Variants in PVR observed in about 807,000 individuals in gnomAD.
The protein encoded by PVR is PVR cell adhesion molecule, also known as poliovirus receptor.
Under a neutral mutation model 43.3 loss-of-function variants are expected in PVR, and 39 were observed. The observed-to-expected ratio is 0.90, with a 90% CI of 0.70 to 1.18. The LOEUF (loss-of-function observed/expected upper bound fraction) is 1.18. PVR is among the 50% of genes most tolerant of loss of function. PVR has a pLI of 0.00. For synonymous variants in PVR, 224 were observed against 233.2 expected, an observed-to-expected ratio of 0.96 and a Z score of 0.36; for missense variants, 480 against 549.7, an observed-to-expected ratio of 0.87 and a Z score of 1.27.
chr19:44,649,165 C>A (rs770237461), intron 2 of PVR, among the ~76,000 whole-genome samples: 2 of 152,178 alleles, frequency 1.3e-5, no homozygotes, highest in Non-Finnish European at 1.5e-5. Context: ...AGGAAAGAGT[C>A]CGTCTGCCCC....
rs199523150 is a variant in PVR, at chr19:44,649,899, C to T, written c.518C>T (p.Pro173Leu). 24 of 1,613,842 alleles carry T rather than the reference C, an allele frequency of 1.5e-5. No homozygotes were observed. Among genetic ancestry groups the T allele is most frequent in the African/African-American group, 2.7e-5 (2 of 75,056 alleles). The change falls in exon 3 of 8, where the codon CCG becomes CTG. Residue 173 changes from proline to leucine, a missense_variant. Physicochemically the swap from Pro to Leu is moderately conservative, Grantham distance 98. Coordinates refer to ENST00000425690, the MANE Select transcript of PVR (RefSeq NM_006505.5). The part of the protein sequence containing the change: ...MARCVSTGGR[P>L]PAQITWHSDL... ...CGCTGCGTCTCCACAGGGGGTCGCC[C>T]GCCAGCCCAAATCACCTGGCACTCA...
At chr19:44,647,705 G>C in intron 2 of PVR, 135 bp downstream of exon 2, 1 of 596,246 alleles carries the variant, frequency 1.7e-6, no homozygotes. Context: ...GACAAAAGGA[G>C]GGGGCAGCGC....
rs375584960 is a variant in PVR at position 44,649,679 on chromosome 19, C to A, written c.428-130C>A. 1.2e-5 allele frequency: 12 copies of A among 976,556 alleles called. No individual in the cohort carries two copies. In the East Asian group the frequency reaches 1.3e-4, roughly 10 times the overall value. The allele number at this position is 976,556 out of a possible 1,614,324, so 60.5% of individuals were successfully genotyped here. A position where few individuals can be genotyped will look rare whatever the true frequency, so the allele number is the denominator to read the frequency against. ...CAAGTGATCCACCCACCTCAGCCCC[C>A]CAAAGTTCTGGGATTATAGGCGTGA... On this transcript the variant is annotated intron_variant, in intron 2 of 7. Transcript: ENST00000425690.
rs10406264 is a variant in PVR at position 44,653,790 on chromosome 19, G to A, written c.725-110G>A. The A allele has an allele frequency of 4.3e-3, 3,265 of 755,318 alleles. 17 individuals carry two copies. The highest frequency in any genetic ancestry group is 5.6e-3 in the Non-Finnish European group (2,394 of 429,064). 46.8% of individuals were successfully genotyped at this position (755,318 alleles called of 1,614,324 possible). A position where few individuals can be genotyped will look rare whatever the true frequency, so the allele number is the denominator to read the frequency against. On this transcript the variant is annotated intron_variant, in intron 3 of 7. Transcript: ENST00000425690. ...CTCCTCCTAGGCCTCTCCAGCTCCCGCTGTTTTCCAAATATCCCCGGGCCT... is the reference window on the plus strand; with the variant it reads ...CTCCTCCTAGGCCTCTCCAGCTCCCACTGTTTTCCAAATATCCCCGGGCCT...
At chr19:44,651,383 C>T (rs1973275947) in intron 3 of PVR, among the ~76,000 whole-genome samples, 1 of 152,178 alleles carries the variant, frequency 6.6e-6, no homozygotes, top group South Asian at 2.1e-4. Flanking sequence ...TCTAAAGTGC[C>T]CCCTGACACT....
At chr19:44,651,016 C>T (rs1426796197) in intron 3 of PVR, among the ~76,000 whole-genome samples, 1 of 152,102 alleles carries the variant, frequency 6.6e-6, no homozygotes, top group Non-Finnish European at 1.5e-5. Context: ...ACTACAGGTG[C>T]AGCCACCATG....
intron 4 of PVR, among the ~76,000 whole-genome samples, chr19:44,654,363 AAG>A (rs1262587056): frequency 6.6e-6 from 1 of 152,178 alleles, no homozygotes; most frequent in Non-Finnish European, 1.5e-5. Flanking sequence ...CTCCTGGTCT[AAG>A]AGAGGAGGGA....
At position 44,649,701 on chromosome 19, in the gene PVR, G is replaced by A. The variant is rs141669406; in HGVS notation, c.428-108G>A. 211 of 1,255,844 alleles carry A rather than the reference G, an allele frequency of 1.7e-4. 1 individual carries two copies. The East Asian group carries it at 2.4e-3, about 14-fold the overall frequency. The allele number at this position is 1,255,844 out of a possible 1,614,324, so 77.8% of individuals were successfully genotyped here. A position where few individuals can be genotyped will look rare whatever the true frequency, so the allele number is the denominator to read the frequency against. ...CCCCCAAAGTTCTGGGATTATAGGC[G>A]TGAGCCACCCCGCCCAGCAACCATG... is the stretch of plus-strand genomic sequence containing the variant. On this transcript the variant is annotated intron_variant, in intron 2 of 7. Coordinates refer to ENST00000425690, the MANE Select transcript of PVR (RefSeq NM_006505.5).
intron 4 of PVR, 136 bp from the exon 5 acceptor site, chr19:44,657,626 G>C: frequency 1.3e-6 from 1 of 783,692 alleles, no homozygotes; most frequent in Non-Finnish European, 2.0e-6. Context: ...GAAGGGAAGA[G>C]TTGGGGGGCC....
At chr19:44,645,338 AAT>A (rs1296543202) in intron 1 of PVR, among the ~76,000 whole-genome samples, 1 of 121,936 alleles carries the variant, frequency 8.2e-6, no homozygotes, top group Non-Finnish European at 1.6e-5. Flanking sequence ...TTATTTATAT[AAT>A]AAATAATATA....
Position 44,665,483 on chromosome 19 carries a change from A to C in PVR, c.*3672A>C, listed in dbSNP as rs1973690782. 1 of 152,074 alleles carries C rather than the reference A, an allele frequency of 6.6e-6. No homozygotes were observed. The highest frequency in any genetic ancestry group is 1.5e-5 in the Non-Finnish European group (1 of 68,120). The allele number at this position is 152,074 out of a possible 1,614,324, so 9.4% of individuals were successfully genotyped here. A position where few individuals can be genotyped will look rare whatever the true frequency, so the allele number is the denominator to read the frequency against. ...AGTGAAACCGTGTCTCTACAAAAAA[A>C]ATTAGCCAGGTGTGGTGGTGCATGC... On this transcript the variant is annotated 3_prime_UTR_variant, in exon 8 of 8. Coordinates refer to ENST00000425690, the MANE Select transcript of PVR (RefSeq NM_006505.5).
At position 44,658,346 on chromosome 19, in the gene PVR, G is replaced by A. The variant is rs147193308; in HGVS notation, c.992-396G>A. 3.2e-3 allele frequency among the ~76,000 whole-genome samples: 489 copies of A among 152,232 alleles called. 3 individuals carry two copies. Among genetic ancestry groups the A allele is most frequent in the African/African-American group, 4.0e-3 (165 of 41,534 alleles). On this transcript the variant is annotated intron_variant, in intron 5 of 7. Transcript: ENST00000425690. ...TATACATCTCTTGTCTCTGCTTTTC[G>A]TTATACTGGCTTTATTCTCAGGCAG...
rs1198406975 is a variant in PVR at position 44,643,978 on chromosome 19, C to G, written c.-119C>G. 1 of 751,220 alleles carries G rather than the reference C, an allele frequency of 1.3e-6. No individual in the cohort carries two copies. Among genetic ancestry groups the G allele is most frequent in the Non-Finnish European group, 2.0e-6 (1 of 490,424 alleles). The allele number at this position is 751,220 out of a possible 1,614,324, so 46.5% of individuals were successfully genotyped here. ...ACCCCAGGCACTGGAGGAGCGGCCC[C>G]CCGGGGATTCCAGGACCTGAGCTCC... On this transcript the variant is annotated 5_prime_UTR_variant, in exon 1 of 8. Coordinates refer to ENST00000425690, the MANE Select transcript of PVR (RefSeq NM_006505.5).
intron 1 of PVR, 106 bp downstream of exon 1, chr19:44,644,281 C>A: frequency 1.3e-6 from 1 of 783,434 alleles, no homozygotes; most frequent in Non-Finnish European, 1.9e-6. Context: ...CCCCGCCCGG[C>A]GCCACCCACC....
In PVR at chr19:44,661,750, A is replaced by AT; in HGVS notation, c.1195dup (p.Ser399PhefsTer141). Reference sequence around the variant, plus strand: ...AAAACCCTCTTCTAGCATGTCTCCTATTCAGCTGTGAGCAGAGAGAACAGC... The same window carrying AT: ...AAAACCCTCTTCTAGCATGTCTCCTATTTCAGCTGTGAGCAGAGAGAACAGC... On this transcript the variant is annotated frameshift_variant, in exon 8 of 8. Coordinates refer to ENST00000425690, the MANE Select transcript of PVR (RefSeq NM_006505.5). LOFTEE classifies it low-confidence loss of function (END_TRUNC). 1 of 1,614,032 alleles carries AT rather than the reference A, an allele frequency of 6.2e-7. No homozygotes were observed. The highest frequency in any genetic ancestry group is 1.7e-5 in the Admixed American group (1 of 60,020).
intron 1 of PVR, among the ~76,000 whole-genome samples, chr19:44,645,083 TAATAAAATA>T (rs1448027368): frequency 1.0e-4 from 10 of 96,352 alleles, no homozygotes; most frequent in African/African-American, 3.9e-4. Flanking sequence ...ATATAATATA[TAATAAAATA>T]TATAATATAT....
Position 44,653,913 on chromosome 19 carries a change from A to G in PVR, c.738A>G (p.Val246=), listed in dbSNP as rs1441275923. The part of the protein sequence containing the change: ...VNLTVYYPPE[V]SISGYDNNWY... ...CATTTCCTGCAGACCCCCCAGAGGT[A>G]TCCATCTCTGGCTATGATAACAACT... Residue 246 remains valine, a synonymous_variant, in exon 4 of 8, where the codon GTA becomes GTG. Coordinates refer to ENST00000425690, the MANE Select transcript of PVR (RefSeq NM_006505.5). 4 of 1,610,500 alleles carry G rather than the reference A, an allele frequency of 2.5e-6. No homozygotes were observed. The highest frequency in any genetic ancestry group is 8.5e-7 in the Non-Finnish European group (1 of 1,176,738).
Position 44,649,924 on chromosome 19 carries a change from A to C in PVR, c.543A>C (p.Ser181=). Residue 181 remains serine, a synonymous_variant, in exon 3 of 8, where the codon TCA becomes TCC. Transcript: ENST00000425690. ...CGCCAGCCCAAATCACCTGGCACTC[A>C]GACCTGGGCGGGATGCCCAATACGA... ...GRPPAQITWH[S]DLGGMPNTSQ... is the part of the protein sequence containing the mutation. 1 of 1,613,132 alleles carries C rather than the reference A, an allele frequency of 6.2e-7. No individual in the cohort carries two copies. The highest frequency in any genetic ancestry group is 8.5e-7 in the Non-Finnish European group (1 of 1,179,460).
At position 44,653,976 on chromosome 19, in the gene PVR, T is replaced by G. The variant is rs376591350; in HGVS notation, c.801T>G (p.Asp267Glu). The change falls in exon 4 of 8, where the codon GAT (aspartate) becomes GAG (glutamate). Residue 267 changes from aspartate to glutamate, a missense_variant. Transcript: ENST00000425690. ...AGAATGAGGCCACCCTGACCTGCGA[T>G]GCTCGCAGCAACCCAGAGCCCACAG... ...LGQNEATLTC[D>E]ARSNPEPTGY... 39 of 1,614,078 alleles carry G rather than the reference T, an allele frequency of 2.4e-5. No individual in the cohort carries two copies.
Sources: allele counts gnomAD v4.1 joint callset (sites outside exome capture counted in the v4.1 genomes callset), GRCh38; gene constraint gnomAD v4.1.1; transcripts MANE v1.5; gene names NCBI Gene and HGNC (gene_info 2026-07-23, HGNC 2026-07-21).